Variants in RGS12 observed in about 807,000 individuals in gnomAD.
RGS12 encodes regulator of G-protein signaling 12.
In RGS12, 66 loss-of-function variants were observed where a neutral mutation model predicts 120.1. That is an observed-to-expected ratio of 0.55 (90% CI 0.45 to 0.67). RGS12 has a LOEUF of 0.67. RGS12 is among the 30% of genes least tolerant of loss of function. The probability of loss-of-function intolerance (pLI) is 0.00; values close to 1 mark genes in which losing one functional copy is unlikely to be tolerated. For missense variants in RGS12, 1,859 were observed against 1,957.7 expected (o/e 0.95, Z 0.95); for synonymous variants, 827 against 804.7 (o/e 1.03, Z -0.47).
chr4:3,423,103 T>TGGGGGGG, intron 12 of RGS12, 125 bp downstream of exon 12: 1 of 344,126 alleles, frequency 2.9e-6, no homozygotes, highest in South Asian at 2.6e-5. Context: ...CGATGGGGTG[T>TGGGGGGG]CGGGGCGGGG....
intron 10 of RGS12, 74 bp downstream of exon 10, chr4:3,420,792 C>T: frequency 8.1e-7 from 1 of 1,228,916 alleles, no homozygotes; most frequent in South Asian, 1.3e-5. Context: ...ACCTCTCTCC[C>T]ATGGAAACCT....
chr4:3,363,763 G>C (rs1715984876), intron 3 of RGS12, among the ~76,000 whole-genome samples: 1 of 152,190 alleles, frequency 6.6e-6, no homozygotes, highest in South Asian at 2.1e-4. Context: ...AGCTGGGAGG[G>C]AGTGGGGTCA....
chr4:3,317,984 A>G lies in RGS12; in HGVS notation c.1814A>G (p.Lys605Arg). The G allele has an allele frequency of 1.2e-6, 2 of 1,612,268 alleles. No homozygotes were observed. The highest frequency in any genetic ancestry group is 4.5e-5 in the East Asian group (2 of 44,848). The change falls in exon 2 of 18, where the codon AAG becomes AGG. Residue 605 changes from lysine to arginine, a missense_variant. Coordinates refer to ENST00000336727, the MANE Select transcript of RGS12 (RefSeq NM_001394154.1). ...LNAPKREWSRKAFGMQSIFGP... is the reference protein window; with the variant it reads ...LNAPKREWSRRAFGMQSIFGP... ...GCCCCGAAGAGGGAGTGGTCCAGGA[A>G]GGCCTTTGGAATGCAAAGCATTTTT...
At chr4:3,384,177 C>T (rs369124460) in intron 3 of RGS12, among the ~76,000 whole-genome samples, 9 of 152,040 alleles carry the variant, frequency 5.9e-5, no homozygotes, top group Non-Finnish European at 1.0e-4. Flanking sequence ...TATTTTAAGA[C>T]GGAGTCTCAC....
At chr4:3,322,231 G>A (rs549615680) in intron 2 of RGS12, among the ~76,000 whole-genome samples, 1 of 152,322 alleles carries the variant, frequency 6.6e-6, no homozygotes, top group Admixed American at 6.5e-5. Context: ...GTGACCTTGT[G>A]CCAGCTCATC....
intron 1 of RGS12, among the ~76,000 whole-genome samples, chr4:3,296,750 G>A (rs1167236960): frequency 6.6e-6 from 1 of 152,236 alleles, no homozygotes; most frequent in Non-Finnish European, 1.5e-5. Context: ...TCCAGGGAAG[G>A]TCCCTGTGGT....
At chr4:3,341,986 T>C (rs947380141) in intron 2 of RGS12, among the ~76,000 whole-genome samples, 1 of 150,032 alleles carries the variant, frequency 6.7e-6, no homozygotes, top group African/African-American at 2.5e-5. Flanking sequence ...GAGGACATGA[T>C]GGGGTGTGTC....
intron 17 of RGS12, among the ~76,000 whole-genome samples, chr4:3,438,898 G>A (rs1006145216): frequency 6.6e-6 from 1 of 152,140 alleles, no homozygotes; most frequent in African/African-American, 2.4e-5. Flanking sequence ...AGCAGGGTGT[G>A]TACGGTGAAG....
chr4:3,368,146 G>C (rs1287936862), intron 3 of RGS12, among the ~76,000 whole-genome samples: 1 of 152,166 alleles, frequency 6.6e-6, no homozygotes, highest in Non-Finnish European at 1.5e-5. Context: ...CCAGGATGCT[G>C]TTGTCCTCTG....
At chr4:3,301,816 C>T (rs888236755) in intron 1 of RGS12, among the ~76,000 whole-genome samples, 11 of 151,974 alleles carry the variant, frequency 7.2e-5, no homozygotes, top group South Asian at 2.1e-4. Flanking sequence ...GGGGGACCTC[C>T]GAGGTGCCAG....
intron 3 of RGS12, chr4:3,378,580 C>A (rs1483570411): frequency 1.3e-5 from 2 of 152,234 alleles, no homozygotes; most frequent in African/African-American, 4.8e-5. Context: ...AACCAAATAA[C>A]CCAATTGAAA....
chr4:3,427,210 A>C (rs1723751083), intron 14 of RGS12, among the ~76,000 whole-genome samples: 1 of 152,222 alleles, frequency 6.6e-6, no homozygotes, highest in Non-Finnish European at 1.5e-5. Context: ...CAGGGCGGCC[A>C]GCAGCTTTGC....
chr4:3,439,524 C>T lies in RGS12; in HGVS notation c.4184C>T (p.Ser1395Leu), dbSNP rs142350451. 1.6e-5 allele frequency: 25 copies of T among 1,612,540 alleles called. No homozygotes were observed. Among genetic ancestry groups the T allele is most frequent in the South Asian group, 1.1e-4 (10 of 91,084 alleles). The change falls in exon 18 of 18, where the codon TCG becomes TTG. Residue 1395 changes from serine (S) to leucine (L), a missense_variant. Physicochemically the swap from Ser to Leu is moderately radical, Grantham distance 145. This residue lies in a region of RGS12 where 517 missense variants were observed against 488.5 expected (regional missense o/e 1.06). Transcript: ENST00000336727. Reference protein sequence around the residue: ...RIIDVDLVTGSAPGRDGGIAG... With the variant: ...RIIDVDLVTGLAPGRDGGIAG... The stretch of plus-strand genomic sequence containing the variant: ...ATCGATGTGGATCTTGTAACTGGCT[C>T]GGCGCCCGGGCGGGATGGTGGCATA...
At chr4:3,292,743 A>T (rs986866885), upstream of RGS12, among the ~76,000 whole-genome samples, 32 of 152,256 alleles carry the variant, frequency 2.1e-4, no homozygotes, top group Admixed American at 1.8e-3. Flanking sequence ...GTGCGGGTAC[A>T]CACCGTGCGC....
intron 3 of RGS12, among the ~76,000 whole-genome samples, chr4:3,367,248 T>C (rs1716408220): frequency 6.6e-6 from 1 of 152,266 alleles, no homozygotes; most frequent in Admixed American, 6.5e-5. Flanking sequence ...ACACGGGGGC[T>C]TCGCCTTCTC....
At chr4:3,381,621 A>G (rs1003822504) in intron 3 of RGS12, among the ~76,000 whole-genome samples, 2 of 152,134 alleles carry the variant, frequency 1.3e-5, no homozygotes, top group African/African-American at 4.8e-5. Context: ...CCCTTATAAA[A>G]CCGTCAGATC....
intron 1 of RGS12, among the ~76,000 whole-genome samples, chr4:3,307,907 A>G (rs1284379130): frequency 6.6e-6 from 1 of 152,270 alleles, no homozygotes; most frequent in Non-Finnish European, 1.5e-5. Flanking sequence ...AAAGTCTCTT[A>G]GAAAGAGCAG....
chr4:3,419,195 A>T, intron 9 of RGS12: 1 of 151,992 alleles, frequency 6.6e-6, no homozygotes, highest in East Asian at 1.9e-4. Flanking sequence ...GCCAGATGTG[A>T]TGGCACATGC....
chr4:3,437,456 C>T (rs1264788183), intron 17 of RGS12, among the ~76,000 whole-genome samples: 46 of 152,132 alleles, frequency 3.0e-4, no homozygotes, highest in Non-Finnish European at 2.9e-5. Flanking sequence ...CAAATGCCCA[C>T]GGTATTGACC....
Sources: allele counts gnomAD v4.1 joint callset (sites outside exome capture counted in the v4.1 genomes callset), GRCh38; gene constraint gnomAD v4.1.1; regional missense constraint gnomAD v4.1.1; transcripts MANE v1.5; gene names NCBI Gene and HGNC (gene_info 2026-07-23, HGNC 2026-07-21).